Variants in ADAMTS17 observed in about 807,000 individuals in gnomAD.
ADAMTS17 encodes the protein ADAM metallopeptidase with thrombospondin type 1 motif 17, also known as A disintegrin and metalloproteinase with thrombospondin motifs 17.
In ADAMTS17, 113 loss-of-function variants were observed where a neutral mutation model predicts 141.5. The ratio of observed to expected loss-of-function variants is 0.80; its 90% CI spans 0.69 to 0.93. The LOEUF (loss-of-function observed/expected upper bound fraction) is 0.93. ADAMTS17 is among the 40% of genes least tolerant of loss of function. The pLI, the probability that ADAMTS17 is intolerant of heterozygous loss-of-function variation, is 0.00. For synonymous variants in ADAMTS17, 768 were observed against 630.6 expected (o/e 1.22, Z -3.27); for missense variants, 1,659 against 1,517.9 (o/e 1.09, Z -1.54).
intron 15 of ADAMTS17, among the ~76,000 whole-genome samples, chr15:100,092,399 CT>C (rs1284403624): frequency 2.6e-5 from 4 of 152,348 alleles, no homozygotes; most frequent in Admixed American, 1.3e-4. Context: ...CATGTCACTG[CT>C]GGGACGACAC....
intron 12 of ADAMTS17, among the ~76,000 whole-genome samples, chr15:100,119,818 G>A (rs1049638653): frequency 5.3e-5 from 8 of 152,144 alleles, no homozygotes; most frequent in East Asian, 1.9e-4. Flanking sequence ...CACAGGCCCC[G>A]TAATCCCCAC....
intron 3 of ADAMTS17, among the ~76,000 whole-genome samples, chr15:100,286,742 C>T (rs1305439917): frequency 1.3e-5 from 2 of 152,012 alleles, no homozygotes; most frequent in East Asian, 1.9e-4. Context: ...ACACTGGCAA[C>T]TCAAAAAGCC....
chr15:100,212,891 T>A (rs752218889), intron 7 of ADAMTS17, among the ~76,000 whole-genome samples: 5 of 152,016 alleles, frequency 3.3e-5, no homozygotes, highest in Admixed American at 3.3e-4. Flanking sequence ...AGGTAATGCA[T>A]AGGGTGACGC....
intron 9 of ADAMTS17, among the ~76,000 whole-genome samples, chr15:100,153,435 G>A (rs192164162): frequency 2.3e-4 from 35 of 152,206 alleles, no homozygotes; most frequent in Admixed American, 3.9e-4. Context: ...GAGGTCAGGA[G>A]TTCAAGACCA....
At position 100,162,400 on chromosome 15, in the gene ADAMTS17, G is replaced by A. The variant is rs539059218; in HGVS notation, c.1182-7080C>T. On this transcript the variant is annotated intron_variant, in intron 8 of 21. Transcript: ENST00000268070. ...ATGTTATATATATAACTATCTATATGTGTATATATGTGTATATATAACTAT... is the reference window on the plus strand; with the variant it reads ...ATGTTATATATATAACTATCTATATATGTATATATGTGTATATATAACTAT... Among the ~76,000 whole-genome samples the A allele has an allele frequency of 6.9e-5, 10 of 145,000 alleles. No individual in the cohort carries two copies. In the Admixed American group the frequency reaches 6.9e-4, roughly 10 times the overall value.
At chr15:100,034,745 T>C (rs926007642) in intron 18 of ADAMTS17, among the ~76,000 whole-genome samples, 3 of 152,192 alleles carry the variant, frequency 2.0e-5, no homozygotes, top group Admixed American at 1.3e-4. Context: ...GATATCTCCA[T>C]CCTGCTCCCT....
At chr15:100,112,377 T>G (rs539551460) in intron 13 of ADAMTS17, among the ~76,000 whole-genome samples, 36 of 152,152 alleles carry the variant, frequency 2.4e-4, no homozygotes, top group Non-Finnish European at 1.0e-4. Flanking sequence ...GAACTCTCCA[T>G]TTGTCCGTCT....
chr15:100,113,477 G>C (rs2036919291), intron 13 of ADAMTS17, among the ~76,000 whole-genome samples: 1 of 152,128 alleles, frequency 6.6e-6, no homozygotes, highest in South Asian at 2.1e-4. Context: ...ACAAATATTT[G>C]GTTGATGCAC....
intron 8 of ADAMTS17, among the ~76,000 whole-genome samples, chr15:100,159,040 A>C (rs893145243): frequency 6.6e-6 from 1 of 152,236 alleles, no homozygotes; most frequent in Non-Finnish European, 1.5e-5. Context: ...AATGGTATAG[A>C]TGCTATGAAA....
At chr15:100,220,368 C>T (rs1444938896) in intron 7 of ADAMTS17, among the ~76,000 whole-genome samples, 1 of 142,144 alleles carries the variant, frequency 7.0e-6, no homozygotes, top group Non-Finnish European at 1.6e-5. Context: ...TGCCACCTTT[C>T]TTCTTTCCCC....
At chr15:100,151,197 G>A (rs1248084630) in intron 10 of ADAMTS17, among the ~76,000 whole-genome samples, 1 of 152,168 alleles carries the variant, frequency 6.6e-6, no homozygotes, top group Non-Finnish European at 1.5e-5. Flanking sequence ...CTCTGGAGGG[G>A]ACCCTCGCAG....
At chr15:99,992,789 C>T (rs986209988) in intron 20 of ADAMTS17, among the ~76,000 whole-genome samples, 3 of 152,246 alleles carry the variant, frequency 2.0e-5, no homozygotes, top group East Asian at 1.9e-4. Context: ...GGCTGCGTTT[C>T]GGGTTCCTTC....
In ADAMTS17 at chr15:100,042,764, G is replaced by A. The variant is rs1027131106; in HGVS notation, c.2591+6093C>T. On this transcript the variant is annotated intron_variant, in intron 18 of 21. Transcript: ENST00000268070. ...GATGATTCACGTCCTGGGCAGGACA[G>A]AGCGGGATGGTGTGAGATTTCATGA... Among the ~76,000 whole-genome samples the A allele has an allele frequency of 6.6e-5, 10 of 152,294 alleles. 1 individual carries two copies. The highest frequency in any genetic ancestry group is 2.4e-4 in the African/African-American group (10 of 41,552).
chr15:100,070,969 A>C (rs1394351635), intron 15 of ADAMTS17, among the ~76,000 whole-genome samples: 3 of 150,344 alleles, frequency 2.0e-5, no homozygotes, highest in African/African-American at 4.9e-5. Context: ...ATTTTTGAAA[A>C]GATCAACAAA....
intron 9 of ADAMTS17, among the ~76,000 whole-genome samples, chr15:100,153,608 C>T (rs1234437922): frequency 6.6e-6 from 1 of 152,166 alleles, no homozygotes; most frequent in African/African-American, 2.4e-5. Flanking sequence ...AGCGCCACTG[C>T]ACTCCAGCCT....
At chr15:100,063,730 C>T (rs1202003604) in intron 15 of ADAMTS17, 6 of 1,290,116 alleles carry the variant, frequency 4.7e-6, no homozygotes, top group Non-Finnish European at 6.1e-6. Context: ...CTCCGAGCTC[C>T]AGCAGGAATG....
chr15:100,326,790 C>A (rs1197018491), intron 3 of ADAMTS17, among the ~76,000 whole-genome samples: 3 of 152,132 alleles, frequency 2.0e-5, no homozygotes, highest in Non-Finnish European at 4.4e-5. Flanking sequence ...AACGTTTGAC[C>A]CCCTCATCCT....
At chr15:100,243,709 G>C (rs541662569) in intron 7 of ADAMTS17, among the ~76,000 whole-genome samples, 5 of 151,194 alleles carry the variant, frequency 3.3e-5, no homozygotes, top group African/African-American at 4.9e-5. Flanking sequence ...AGAACTGCTG[G>C]AACCCGGGAG....
chr15:100,207,039 C>A (rs1423987073), intron 7 of ADAMTS17, among the ~76,000 whole-genome samples: 1 of 152,152 alleles, frequency 6.6e-6, no homozygotes, highest in Admixed American at 6.5e-5. Context: ...AACTGTGTCC[C>A]CCTGAAATTC....
Sources: allele counts gnomAD v4.1 joint callset (sites outside exome capture counted in the v4.1 genomes callset), GRCh38; gene constraint gnomAD v4.1.1; transcripts MANE v1.5; gene names NCBI Gene and HGNC (gene_info 2026-07-23, HGNC 2026-07-21).